The following DYM variants were observed in gnomAD, a reference collection of about 807,000 sequenced individuals.
DYM encodes dymeclin.
DYM carries 78 observed loss-of-function variants against 93.1 expected under a neutral mutation model. The ratio of observed to expected loss-of-function variants is 0.84; its 90% CI spans 0.70 to 1.01. DYM has a LOEUF of 1.01. Ranked by LOEUF, DYM falls within the 50% of genes least tolerant of loss-of-function variation. DYM has a pLI of 0.00. For synonymous variants in DYM, 321 were observed against 319.7 expected (o/e 1.00, Z -0.04); for missense variants, 789 against 845.0 (o/e 0.93, Z 0.82).
At chr18:49,298,748 G>A (rs1007410639) in intron 8 of DYM, among the ~76,000 whole-genome samples, 24 of 151,998 alleles carry the variant, frequency 1.6e-4, no homozygotes, top group African/African-American at 5.8e-4. Flanking sequence ...TATGAAGATC[G>A]ATTCCTGTTT....
At position 49,448,100 on chromosome 18, in the gene DYM, C is replaced by A. The variant is rs182317020; in HGVS notation, c.-54+12298G>T. On this transcript the variant is annotated intron_variant, in intron 1 of 17. Coordinates refer to ENST00000675505, the MANE Select transcript of DYM (RefSeq NM_001353214.3). ...CTCCCAATTCTCTTTCCTTTTTGTG[C>A]CTCTCTACTAGAAACCAGGCTTTAT... Among the ~76,000 whole-genome samples the A allele has an allele frequency of 2.7e-3, 408 of 152,280 alleles. 1 individual carries two copies. Among genetic ancestry groups the A allele is most frequent in the Non-Finnish European group, 4.3e-3 (293 of 68,018 alleles).
intron 17 of DYM, among the ~76,000 whole-genome samples, chr18:49,091,490 G>C (rs568219239): frequency 6.6e-6 from 1 of 152,250 alleles, no homozygotes; most frequent in East Asian, 1.9e-4. Context: ...AGTGAGCCAG[G>C]CAAGGCTCTA....
At chr18:49,190,736 G>C (rs533863128) in intron 14 of DYM, among the ~76,000 whole-genome samples, 1 of 152,094 alleles carries the variant, frequency 6.6e-6, no homozygotes, top group Non-Finnish European at 1.5e-5. Flanking sequence ...ACTTATACAT[G>C]CATTTTCTTC....
intron 7 of DYM, 107 bp from the exon 8 acceptor site, chr18:49,332,113 A>C: frequency 1.7e-6 from 2 of 1,164,178 alleles, no homozygotes; most frequent in Non-Finnish European, 2.5e-6. Context: ...TTAATACAAA[A>C]GGGCTATTGG....
At chr18:49,106,398 C>T (rs1354933400) in intron 16 of DYM, among the ~76,000 whole-genome samples, 1 of 152,158 alleles carries the variant, frequency 6.6e-6, no homozygotes, top group Non-Finnish European at 1.5e-5. Flanking sequence ...GCATTTAGCC[C>T]ATTTACATTT....
intron 14 of DYM, among the ~76,000 whole-genome samples, chr18:49,174,316 T>A (rs2089131383): frequency 1.3e-5 from 2 of 152,258 alleles, no homozygotes; most frequent in Non-Finnish European, 2.9e-5. Context: ...ATTTGTTAAC[T>A]AAATATACAG....
intron 8 of DYM, chr18:49,321,247 G>A: frequency 2.5e-6 from 1 of 396,874 alleles, no homozygotes; most frequent in East Asian, 3.6e-5. Context: ...CTTGTAGCAA[G>A]TCTCAGAAAC....
At chr18:49,308,095 T>C (rs551070038) in intron 8 of DYM, among the ~76,000 whole-genome samples, 1 of 152,268 alleles carries the variant, frequency 6.6e-6, no homozygotes, top group South Asian at 2.1e-4. Flanking sequence ...CTATAATACT[T>C]AATTTGCTGA....
intron 14 of DYM, among the ~76,000 whole-genome samples, chr18:49,181,975 C>T (rs1249107736): frequency 6.6e-6 from 1 of 152,142 alleles, no homozygotes; most frequent in Non-Finnish European, 1.5e-5. Context: ...GCTTTAGTGG[C>T]AGCCATCCCA....
chr18:49,277,461 A>C (rs964392580), intron 10 of DYM, among the ~76,000 whole-genome samples: 1 of 152,128 alleles, frequency 6.6e-6, no homozygotes. Flanking sequence ...ATGTTTGTAG[A>C]TATACGAACT....
chr18:49,227,260 C>A (rs570314356), intron 13 of DYM, among the ~76,000 whole-genome samples: 1 of 152,226 alleles, frequency 6.6e-6, no homozygotes, highest in East Asian at 1.9e-4. Flanking sequence ...AGTTATGATT[C>A]TTCAACATCC....
chr18:49,338,046 G>A (rs937220423), intron 6 of DYM, among the ~76,000 whole-genome samples: 1 of 152,164 alleles, frequency 6.6e-6, no homozygotes, highest in Non-Finnish European at 1.5e-5. Context: ...GTATATATTG[G>A]AGAAGTTAGA....
At chr18:49,082,288 T>C (rs1213573723) in intron 17 of DYM, among the ~76,000 whole-genome samples, 4 of 152,276 alleles carry the variant, frequency 2.6e-5, no homozygotes, top group African/African-American at 4.8e-5. Context: ...TAAATGAGCA[T>C]AAACAGCCTG....
At chr18:49,292,592 G>GAAAAAA (rs72415237) in intron 8 of DYM, among the ~76,000 whole-genome samples, 25 of 78,782 alleles carry the variant, frequency 3.2e-4, no homozygotes, top group Admixed American at 5.1e-4. Flanking sequence ...TTTCCTGTTG[G>GAAAAAA]AAAAAAAAAA....
At chr18:49,379,090 A>C (rs2067795853) in intron 4 of DYM, among the ~76,000 whole-genome samples, 1 of 152,196 alleles carries the variant, frequency 6.6e-6, no homozygotes. Context: ...TCGACGAGGC[A>C]TTGCCAGCAG....
intron 13 of DYM, among the ~76,000 whole-genome samples, chr18:49,237,401 A>G (rs2093903790): frequency 6.6e-6 from 1 of 152,236 alleles, no homozygotes. Flanking sequence ...GAAAATGCCT[A>G]TAAAACTTTT....
At chr18:49,433,286 A>G (rs2080507753) in intron 1 of DYM, among the ~76,000 whole-genome samples, 1 of 152,246 alleles carries the variant, frequency 6.6e-6, no homozygotes, top group African/African-American at 2.4e-5. Flanking sequence ...TATGGAGAAT[A>G]AAGTAAATAA....
At chr18:49,105,511 T>C (rs2080700357) in intron 16 of DYM, among the ~76,000 whole-genome samples, 1 of 152,236 alleles carries the variant, frequency 6.6e-6, no homozygotes, top group Non-Finnish European at 1.5e-5. Flanking sequence ...GGGTGTCAAT[T>C]TTAGATCTGT....
intron 11 of DYM, among the ~76,000 whole-genome samples, chr18:49,271,591 G>A (rs2094700405): frequency 6.6e-6 from 1 of 151,826 alleles, no homozygotes; most frequent in Non-Finnish European, 1.5e-5. Flanking sequence ...GAAATAGGGT[G>A]AACATGGGTC....
Sources: allele counts gnomAD v4.1 joint callset (sites outside exome capture counted in the v4.1 genomes callset), GRCh38; gene constraint gnomAD v4.1.1; transcripts MANE v1.5; gene names NCBI Gene and HGNC (gene_info 2026-07-23, HGNC 2026-07-21).